The following TRAF3 variants were observed in gnomAD, a reference collection of about 807,000 sequenced individuals.
The protein encoded by TRAF3 is TNF receptor associated factor 3.
In TRAF3, 13 loss-of-function variants were observed where a neutral mutation model predicts 62.3. The ratio of observed to expected loss-of-function variants is 0.21; its 90% CI spans 0.14 to 0.33. The LOEUF (loss-of-function observed/expected upper bound fraction) is 0.33, where lower values mean the gene tolerates loss of function less well. Among genes scored for constraint, TRAF3 ranks in the 10% least tolerant of loss-of-function variants. The probability of loss-of-function intolerance (pLI) is 1.00; values close to 1 mark genes in which losing one functional copy is unlikely to be tolerated. For synonymous variants in TRAF3, 269 were observed against 283.4 expected, an observed-to-expected ratio of 0.95 and a Z score of 0.51; for missense variants, 440 against 741.8, an observed-to-expected ratio of 0.59 and a Z score of 4.73.
At chr14:102,900,958 G>GGCTT (rs1302257836) in intron 10 of TRAF3, among the ~76,000 whole-genome samples, 2 of 152,198 alleles carry the variant, frequency 1.3e-5, no homozygotes, top group Non-Finnish European at 2.9e-5. Context: ...CGTTCTTCAA[G>GGCTT]GATGAAATCA....
intron 1 of TRAF3, among the ~76,000 whole-genome samples, chr14:102,800,680 T>C (rs1185699362): frequency 6.6e-6 from 1 of 151,966 alleles, no homozygotes; most frequent in African/African-American, 2.4e-5. Flanking sequence ...AATTAACATG[T>C]TTCCTGTTCT....
chr14:102,818,846 T>C (rs1899711459), intron 1 of TRAF3, among the ~76,000 whole-genome samples: 1 of 152,128 alleles, frequency 6.6e-6, no homozygotes, highest in South Asian at 2.1e-4. Flanking sequence ...AAAAGGAACT[T>C]GGTGAGGTGA....
intron 2 of TRAF3, among the ~76,000 whole-genome samples, chr14:102,862,582 TGG>T (rs1372934614): frequency 6.6e-6 from 1 of 152,186 alleles, no homozygotes; most frequent in African/African-American, 2.4e-5. Flanking sequence ...ACAGTGTGTC[TGG>T]GTGTGGCTCT....
chr14:102,799,913 C>T (rs1898291830), intron 1 of TRAF3, among the ~76,000 whole-genome samples: 2 of 152,060 alleles, frequency 1.3e-5, no homozygotes, highest in Non-Finnish European at 2.9e-5. Context: ...TGCTGTGATC[C>T]CCAGAACCTG....
rs576163377 is a variant in TRAF3, at chr14:102,800,828, G to A, written c.-157+23153G>A. Among the ~76,000 whole-genome samples the A allele has an allele frequency of 1.2e-4, 18 of 151,454 alleles. No homozygotes were observed. In the South Asian group the frequency reaches 3.1e-3, roughly 26 times the overall value. ...TTCCCACCTCAGCCTCTCAAGTAGC[G>A]AGGACTACAGGCTTGTGCCGCCACA... On this transcript the variant is annotated intron_variant, in intron 1 of 11. Coordinates refer to ENST00000392745, the MANE Select transcript of TRAF3 (RefSeq NM_145725.3).
chr14:102,882,008 CT>C (rs1158485320), intron 6 of TRAF3, among the ~76,000 whole-genome samples: 2 of 152,196 alleles, frequency 1.3e-5, no homozygotes, highest in Non-Finnish European at 2.9e-5. Context: ...GCACTCTCTC[CT>C]TCAGTTTGCA....
intron 1 of TRAF3, among the ~76,000 whole-genome samples, chr14:102,783,498 A>AT (rs1205532641): frequency 1.3e-5 from 2 of 152,190 alleles, no homozygotes; most frequent in African/African-American, 4.8e-5. Context: ...TACAGGGTGA[A>AT]TTAAGAGTTT....
At position 102,831,531 on chromosome 14, in the gene TRAF3, C is replaced by T. The variant is rs565061633; in HGVS notation, c.-18+1059C>T. Among the ~76,000 whole-genome samples, 101 of 152,320 alleles carry T rather than the reference C, an allele frequency of 6.6e-4. 3 individuals are homozygous for T. The South Asian group carries it at 0.017, about 26-fold the overall frequency. On this transcript the variant is annotated intron_variant, in intron 2 of 11. Transcript: ENST00000392745. ...GATAGAGCGTGGAGTGCTGGGACTT[C>T]GGTCAGGCCAGGTCCTGCCGCCTCA...
intron 2 of TRAF3, among the ~76,000 whole-genome samples, chr14:102,853,711 T>G (rs8017944): frequency 0.39 from 58,584 of 151,424 alleles, 15,760 homozygotes; most frequent in African/African-American, 0.76. Flanking sequence ...GGTGGCACAC[T>G]CCTGTAACCT....
At chr14:102,898,283 C>G (rs1890103033) in intron 10 of TRAF3, among the ~76,000 whole-genome samples, 1 of 152,080 alleles carries the variant, frequency 6.6e-6, no homozygotes, top group South Asian at 2.1e-4. Flanking sequence ...TTGTAGTTAT[C>G]CAGAGAGAGA....
At chr14:102,787,406 G>T (rs1355018275) in intron 1 of TRAF3, among the ~76,000 whole-genome samples, 1 of 151,934 alleles carries the variant, frequency 6.6e-6, no homozygotes, top group Non-Finnish European at 1.5e-5. Context: ...GCTGGGCGTG[G>T]TGGCTCACGC....
chr14:102,790,382 T>G (rs527685869), intron 1 of TRAF3, among the ~76,000 whole-genome samples: 52 of 152,356 alleles, frequency 3.4e-4, no homozygotes, highest in African/African-American at 1.2e-3. Flanking sequence ...TGTAAGTCTG[T>G]TACATCAGTA....
At chr14:102,840,898 CCA>C (rs1417292136) in intron 2 of TRAF3, among the ~76,000 whole-genome samples, 1 of 152,144 alleles carries the variant, frequency 6.6e-6, no homozygotes, top group Non-Finnish European at 1.5e-5. Flanking sequence ...CTGCAGTATT[CCA>C]GCTTATACCC....
chr14:102,899,902 G>T (rs1407407118), intron 10 of TRAF3, among the ~76,000 whole-genome samples: 1 of 152,142 alleles, frequency 6.6e-6, no homozygotes, highest in Non-Finnish European at 1.5e-5. Flanking sequence ...CAGCCAGGCC[G>T]GATGCAGTGG....
At chr14:102,865,799 C>A (rs1887954872) in intron 2 of TRAF3, 1 of 152,052 alleles carries the variant, frequency 6.6e-6, no homozygotes, top group Non-Finnish European at 1.5e-5. Context: ...TGTGACTGGC[C>A]TAATAAAATT....
At chr14:102,793,442 C>T (rs1215687234) in intron 1 of TRAF3, among the ~76,000 whole-genome samples, 1 of 152,220 alleles carries the variant, frequency 6.6e-6, no homozygotes, top group Non-Finnish European at 1.5e-5. Context: ...GTGTGAGCCA[C>T]TGCTCCCAGC....
intron 2 of TRAF3, among the ~76,000 whole-genome samples, chr14:102,831,550 C>T (rs183471053): frequency 1.0e-3 from 159 of 152,276 alleles, no homozygotes; most frequent in African/African-American, 3.7e-3. Flanking sequence ...CAGGTCCTGC[C>T]GCCTCACTGT....
At chr14:102,891,831 T>C (rs1889734446) in intron 9 of TRAF3, among the ~76,000 whole-genome samples, 1 of 152,206 alleles carries the variant, frequency 6.6e-6, no homozygotes, top group Non-Finnish European at 1.5e-5. Flanking sequence ...CCGCTTGAGA[T>C]ACTGACTACT....
intron 1 of TRAF3, among the ~76,000 whole-genome samples, chr14:102,821,814 C>T (rs1379815482): frequency 3.9e-5 from 6 of 152,182 alleles, no homozygotes; most frequent in Non-Finnish European, 4.4e-5. Flanking sequence ...GAGCCCGAGG[C>T]AGGCAGATCA....
Sources: gnomAD v4.1 joint callset for allele counts (sites outside exome capture counted in the v4.1 genomes callset) on GRCh38, gnomAD v4.1.1 for gene constraint, MANE v1.5 for transcripts, NCBI Gene and HGNC (gene_info 2026-07-23, HGNC 2026-07-21) for gene names.